MYO16: variants seen among roughly 807,000 people sequenced by gnomAD.
MYO16 encodes unconventional myosin-XVI.
MYO16 carries 94 observed loss-of-function variants against 205.3 expected under a neutral mutation model. The ratio of observed to expected loss-of-function variants is 0.46; its 90% CI spans 0.39 to 0.54. The LOEUF is 0.54. Among genes scored for constraint, MYO16 ranks in the 20% least tolerant of loss-of-function variants. The pLI, the probability that MYO16 is intolerant of heterozygous loss-of-function variation, is 0.00. For missense variants in MYO16, 2,315 were observed against 2,387.5 expected, an observed-to-expected ratio of 0.97 and a Z score of 0.63; for synonymous variants, 988 against 954.0, an observed-to-expected ratio of 1.04 and a Z score of -0.66.
At chr13:109,103,730 A>G (rs1314207038) in intron 28 of MYO16, among the ~76,000 whole-genome samples, 3 of 152,156 alleles carry the variant, frequency 2.0e-5, no homozygotes, top group Non-Finnish European at 4.4e-5. Context: ...GCAATTCAGT[A>G]AGCCTTGGTG....
At chr13:109,014,157 A>T (rs1370335442) in intron 22 of MYO16, among the ~76,000 whole-genome samples, 3 of 152,208 alleles carry the variant, frequency 2.0e-5, no homozygotes, top group Non-Finnish European at 4.4e-5. Context: ...GGTGTAAGGA[A>T]GGGATCCAGT....
chr13:108,532,013 C>T, the MYO16 span, among the ~76,000 whole-genome samples: 1 of 152,036 alleles, frequency 6.6e-6, no homozygotes, highest in Non-Finnish European at 1.5e-5. Flanking sequence ...TCGAGACCAG[C>T]CTGGTCAACA....
At chr13:108,805,084 G>A (rs1434837638) in intron 6 of MYO16, among the ~76,000 whole-genome samples, 5 of 152,176 alleles carry the variant, frequency 3.3e-5, no homozygotes, top group African/African-American at 1.2e-4. Context: ...ATAGCACAGA[G>A]TAACTGCCAA....
intron 5 of MYO16, among the ~76,000 whole-genome samples, chr13:108,789,402 G>A (rs7988305): frequency 0.49 from 75,105 of 151,766 alleles, 18,819 homozygotes; most frequent in South Asian, 0.52. Context: ...CCCAGTATTA[G>A]CCCTCCCCCT....
chr13:108,841,163 A>G (rs1304139794), intron 9 of MYO16, among the ~76,000 whole-genome samples: 1 of 152,226 alleles, frequency 6.6e-6, no homozygotes, highest in Non-Finnish European at 1.5e-5. Flanking sequence ...ACATGAATCA[A>G]GACAGTGTAG....
At chr13:109,050,299 A>G (rs576589661) in intron 24 of MYO16, among the ~76,000 whole-genome samples, 24 of 152,092 alleles carry the variant, frequency 1.6e-4, no homozygotes, top group African/African-American at 5.5e-4. Context: ...ATTCGTAGAA[A>G]TCGCTCTGTT....
chr13:108,551,132 C>A, the MYO16 span, among the ~76,000 whole-genome samples: 13 of 152,240 alleles, frequency 8.5e-5, no homozygotes, highest in East Asian at 1.9e-4. Context: ...TAAAAAACTC[C>A]ATCTGTTCTA....
intron 3 of MYO16, among the ~76,000 whole-genome samples, chr13:108,724,078 C>T (rs1884255207): frequency 6.6e-6 from 1 of 152,080 alleles, no homozygotes; most frequent in East Asian, 1.9e-4. Context: ...ATTCTTAATG[C>T]TATCTTAATT....
rs78403870 is a variant in MYO16 at position 108,680,602 on chromosome 13, C to T, written c.292+14453C>T. ...CAATCAAGAATGCCACTTTTTAAAA[C>T]ACCTTGAGGCACTTTTTAATCCATA... On this transcript the variant is annotated intron_variant, in intron 2 of 34. Transcript: ENST00000457511. Among the ~76,000 whole-genome samples the T allele has an allele frequency of 6.5e-3, 984 of 152,292 alleles. 8 individuals carry two copies. Among genetic ancestry groups the T allele is most frequent in the African/African-American group, 0.023 (941 of 41,548 alleles).
chr13:108,788,495 C>A (rs1016844361), intron 5 of MYO16, among the ~76,000 whole-genome samples: 6 of 152,186 alleles, frequency 3.9e-5, no homozygotes, highest in African/African-American at 1.4e-4. Context: ...AAAAGATCAG[C>A]ATAATGGATA....
chr13:108,670,512 C>T (rs1251815966), intron 2 of MYO16, among the ~76,000 whole-genome samples: 1 of 152,010 alleles, frequency 6.6e-6, no homozygotes, highest in African/African-American at 2.4e-5. Context: ...CCTTGGCTAA[C>T]AGTGAGGGTG....
chr13:108,726,591 T>C (rs1351368283), intron 3 of MYO16, among the ~76,000 whole-genome samples: 1 of 149,142 alleles, frequency 6.7e-6, no homozygotes, highest in Non-Finnish European at 1.5e-5. Context: ...AAAAGAAAAA[T>C]ACTCATAAAA....
rs777031698 is a variant in MYO16 at position 108,961,660 on chromosome 13, A to C, written c.2155+4A>C. 6.2e-6 allele frequency: 10 copies of C among 1,603,204 alleles called. No individual in the cohort carries two copies. Among genetic ancestry groups the C allele is most frequent in the Non-Finnish European group, 7.7e-6 (9 of 1,170,040 alleles). ...GACCTCCAGCTCCTGGAACAAGGTC[A>C]GTGGAACATGACCTTCTGACATTAA... is the stretch of plus-strand genomic sequence containing the variant. On this transcript the variant is annotated splice_donor_region_variant and intron_variant, in intron 18 of 34. Coordinates refer to ENST00000457511, the MANE Select transcript of MYO16 (RefSeq NM_001198950.3).
the MYO16 span, among the ~76,000 whole-genome samples, chr13:108,519,219 G>A: frequency 1.3e-5 from 2 of 152,130 alleles, no homozygotes; most frequent in African/African-American, 4.8e-5. Context: ...GTTTAATCTT[G>A]CATCGCAGAT....
the MYO16 span, among the ~76,000 whole-genome samples, chr13:108,516,170 G>A: frequency 6.6e-6 from 1 of 152,092 alleles, no homozygotes; most frequent in Admixed American, 6.5e-5. Flanking sequence ...GTGGGATATA[G>A]TCTCGTGGTG....
chr13:108,797,885 G>A (rs1413132466), intron 6 of MYO16, among the ~76,000 whole-genome samples: 1 of 152,178 alleles, frequency 6.6e-6, no homozygotes, highest in Non-Finnish European at 1.5e-5. Flanking sequence ...AGCTATTGAA[G>A]TAATCAATAC....
the MYO16 span, among the ~76,000 whole-genome samples, chr13:108,535,997 G>C: frequency 3.3e-5 from 5 of 151,516 alleles, no homozygotes; most frequent in African/African-American, 1.2e-4. Context: ...TTTTATGTCT[G>C]TGTGTATATG....
intron 2 of MYO16, among the ~76,000 whole-genome samples, chr13:108,688,725 G>A (rs1305224150): frequency 6.6e-6 from 1 of 152,142 alleles, no homozygotes; most frequent in African/African-American, 2.4e-5. Context: ...GGCATTTGAA[G>A]GGCCATGGGT....
In MYO16 at chr13:109,202,507, C is replaced by T. The variant is rs779593844; in HGVS notation, c.5416-4102C>T. ...TGTTGGGCATTTGTGTATCTTCTTTCGAGAAGTGTCTACTCAAGTCCTTAG... is the reference window on the plus strand; with the variant it reads ...TGTTGGGCATTTGTGTATCTTCTTTTGAGAAGTGTCTACTCAAGTCCTTAG... On this transcript the variant is annotated intron_variant, in intron 34 of 34. Transcript: ENST00000457511. 2.6e-5 allele frequency among the ~76,000 whole-genome samples: 4 copies of T among 152,160 alleles called. No homozygotes were observed. In the East Asian group the frequency reaches 5.8e-4, roughly 22 times the overall value.
Sources: allele counts gnomAD v4.1 joint callset (sites outside exome capture counted in the v4.1 genomes callset), GRCh38; gene constraint gnomAD v4.1.1; transcripts MANE v1.5; gene names NCBI Gene and HGNC (gene_info 2026-07-23, HGNC 2026-07-21).